Variants in ALK observed in about 807,000 individuals in gnomAD.
The protein encoded by ALK is ALK receptor tyrosine kinase.
ALK carries 74 observed loss-of-function variants against 163.1 expected under a neutral mutation model. That is an observed-to-expected ratio of 0.45 (90% confidence interval 0.38 to 0.55). The LOEUF (loss-of-function observed/expected upper bound fraction) is 0.55. Among genes scored for constraint, ALK ranks in the 20% least tolerant of loss-of-function variants. The pLI, the probability that ALK is intolerant of heterozygous loss-of-function variation, is 0.00. For synonymous variants in ALK, 960 were observed against 843.2 expected (o/e 1.14, Z -2.40); for missense variants, 2,063 against 2,105.3 (o/e 0.98, Z 0.39).
At chr2:29,321,471 G>A (rs920443138) in intron 6 of ALK, among the ~76,000 whole-genome samples, 12 of 152,162 alleles carry the variant, frequency 7.9e-5, no homozygotes, top group African/African-American at 2.4e-4. Context: ...CTCCCAACCC[G>A]CTTGCAGTTA....
intron 5 of ALK, among the ~76,000 whole-genome samples, chr2:29,372,688 G>A (rs775171447): frequency 2.0e-5 from 3 of 152,318 alleles, no homozygotes; most frequent in Middle Eastern, 3.4e-3. Context: ...AATGACTCAG[G>A]ATTCAAGTCC....
rs546556358 is a variant in ALK at position 29,244,687 on chromosome 2, G to A, written c.2205-4857C>T. 3.9e-5 allele frequency among the ~76,000 whole-genome samples: 6 copies of A among 152,322 alleles called. No homozygotes were observed. In the East Asian group the frequency reaches 1.2e-3, roughly 29 times the overall value. The stretch of plus-strand genomic sequence containing the variant: ...AGTCACATGGAGCATCGGTGGTGGA[G>A]GTTGAACTCAAACTTAATTCTGCCT... On this transcript the variant is annotated intron_variant, in intron 12 of 28. Transcript: ENST00000389048.
At chr2:29,907,722 C>T (rs183303823) in intron 1 of ALK, among the ~76,000 whole-genome samples, 11 of 152,222 alleles carry the variant, frequency 7.2e-5, no homozygotes, top group African/African-American at 2.6e-4. Flanking sequence ...TAAATTACCA[C>T]GTGCATGTAA....
chr2:29,253,564 G>A (rs952917710), intron 11 of ALK, among the ~76,000 whole-genome samples: 6 of 152,146 alleles, frequency 3.9e-5, no homozygotes, highest in African/African-American at 1.4e-4. Context: ...CAGGGGAGTT[G>A]CTGTGAATAT....
intron 22 of ALK, chr2:29,221,062 A>T: frequency 3.1e-6 from 2 of 655,544 alleles, no homozygotes; most frequent in Non-Finnish European, 5.7e-6. Flanking sequence ...TTTGCAGGAG[A>T]GTGGCTGGAG....
rs560169138 is a variant in ALK at position 29,770,553 on chromosome 2, A to G, written c.668-52856T>C. Among the ~76,000 whole-genome samples the G allele has an allele frequency of 1.3e-5, 2 of 152,364 alleles. 1 individual carries two copies. The highest frequency in any genetic ancestry group is 4.1e-4 in the South Asian group (2 of 4,828). Reference sequence around the variant, plus strand: ...CAAACGGGATAAAAGCAACCAAATAAGAATTATGTAAGAAAAACATTTTAT... The same window carrying G: ...CAAACGGGATAAAAGCAACCAAATAGGAATTATGTAAGAAAAACATTTTAT... On this transcript the variant is annotated intron_variant, in intron 1 of 28. Coordinates refer to ENST00000389048, the MANE Select transcript of ALK (RefSeq NM_004304.5).
intron 28 of ALK, among the ~76,000 whole-genome samples, chr2:29,194,695 G>T (rs565574389): frequency 8.4e-6 from 1 of 118,384 alleles, no homozygotes; most frequent in Admixed American, 1.3e-4. Context: ...TGTGTTTTTA[G>T]TAGAGACAAG....
chr2:29,194,033 G>A (rs1468258180), intron 28 of ALK, 111 bp from the exon 29 acceptor site: 5 of 1,087,954 alleles, frequency 4.6e-6, no homozygotes, highest in African/African-American at 1.5e-5. Flanking sequence ...GAGGAAACCA[G>A]GATTTATTGA....
intron 1 of ALK, chr2:29,892,130 G>C (rs868861646): frequency 6.6e-6 from 1 of 152,234 alleles, no homozygotes; most frequent in Non-Finnish European, 1.5e-5. Flanking sequence ...TGTTGGCCTT[G>C]GCTTCAAGAT....
At chr2:29,790,105 T>C (rs1664151704) in intron 1 of ALK, among the ~76,000 whole-genome samples, 2 of 152,164 alleles carry the variant, frequency 1.3e-5, no homozygotes, top group South Asian at 2.1e-4. Context: ...GAGATCACAT[T>C]TGCAAAGTGT....
intron 3 of ALK, among the ~76,000 whole-genome samples, chr2:29,658,907 G>A (rs1191698993): frequency 6.6e-6 from 1 of 152,092 alleles, no homozygotes; most frequent in East Asian, 1.9e-4. Flanking sequence ...CTGTTTGGGT[G>A]CTGTGATTTT....
chr2:29,367,661 T>C (rs1056050641), intron 5 of ALK, among the ~76,000 whole-genome samples: 1 of 152,182 alleles, frequency 6.6e-6, no homozygotes, highest in Non-Finnish European at 1.5e-5. Context: ...GCTCCCTGAG[T>C]AGTGCTGGCA....
intron 3 of ALK, among the ~76,000 whole-genome samples, chr2:29,542,852 A>T (rs575693194): frequency 1.1e-4 from 16 of 152,318 alleles, no homozygotes; most frequent in African/African-American, 3.8e-4. Context: ...ATCAGAAAAC[A>T]CATGCCTCTT....
chr2:29,341,709 T>C (rs993459547), intron 5 of ALK, among the ~76,000 whole-genome samples: 1 of 152,208 alleles, frequency 6.6e-6, no homozygotes, highest in Non-Finnish European at 1.5e-5. Flanking sequence ...GGGCCATTCT[T>C]CCAGCTAGGG....
chr2:29,380,263 G>A (rs1296088116), intron 5 of ALK, among the ~76,000 whole-genome samples: 1 of 151,874 alleles, frequency 6.6e-6, no homozygotes, highest in African/African-American at 2.4e-5. Flanking sequence ...CCACAACCAT[G>A]CCCAGCTAAT....
At chr2:29,297,171 G>C in intron 8 of ALK, 114 bp from the exon 9 acceptor site, 1 of 1,231,556 alleles carries the variant, frequency 8.1e-7, no homozygotes, top group Non-Finnish European at 1.2e-6. Context: ...AGTTCAGCCT[G>C]GTGAGAAGAG....
intron 1 of ALK, among the ~76,000 whole-genome samples, chr2:29,810,993 G>C (rs767418463): frequency 8.5e-5 from 13 of 152,082 alleles, no homozygotes; most frequent in Non-Finnish European, 1.6e-4. Context: ...AACTCTGACA[G>C]CACCTTGATC....
chr2:29,769,172 C>G (rs2339481), intron 1 of ALK, among the ~76,000 whole-genome samples: 8,896 of 152,134 alleles, frequency 0.058, 893 homozygotes, highest in African/African-American at 0.2. Flanking sequence ...TCTCAAATTT[C>G]CCACATTGAG....
intron 1 of ALK, chr2:29,892,204 C>T (rs1041375001): frequency 2.0e-5 from 3 of 152,160 alleles, no homozygotes; most frequent in African/African-American, 7.2e-5. Flanking sequence ...GCTCTCAGAG[C>T]TCTCTTGCAC....
Sources: allele counts gnomAD v4.1 joint callset (sites outside exome capture counted in the v4.1 genomes callset), GRCh38; gene constraint gnomAD v4.1.1; transcripts MANE v1.5; gene names NCBI Gene and HGNC (gene_info 2026-07-23, HGNC 2026-07-21).